Variants in SUPT3H observed in about 807,000 individuals in gnomAD.
SUPT3H encodes SPT3 homolog, SAGA and STAGA complex component, also known as transcription initiation protein SPT3 homolog.
Under a neutral mutation model 44.3 loss-of-function variants are expected in SUPT3H, and 44 were observed. The ratio of observed to expected loss-of-function variants is 0.99; its 90% CI spans 0.78 to 1.28. The LOEUF is 1.28. Among genes scored for constraint, SUPT3H ranks in the 50% most tolerant of loss-of-function variants. The pLI, the probability that SUPT3H is intolerant of heterozygous loss-of-function variation, is 0.00. For synonymous variants in SUPT3H, 124 were observed against 125.6 expected (o/e 0.99, Z 0.09); for missense variants, 380 against 387.1 (o/e 0.98, Z 0.15).
At chr6:45,214,873 C>G (rs1313669487) in intron 2 of SUPT3H, among the ~76,000 whole-genome samples, 2 of 152,126 alleles carry the variant, frequency 1.3e-5, no homozygotes, top group Non-Finnish European at 2.9e-5. Flanking sequence ...CTGCTTGTAA[C>G]CCCCTCACGA....
chr6:45,301,106 A>G (rs566727728), intron 2 of SUPT3H, among the ~76,000 whole-genome samples: 1 of 152,180 alleles, frequency 6.6e-6, no homozygotes, highest in Non-Finnish European at 1.5e-5. Flanking sequence ...CTGGGCAGGC[A>G]GGTCCTGGCA....
intron 3 of SUPT3H, among the ~76,000 whole-genome samples, chr6:45,037,200 C>T (rs1197620762): frequency 2.0e-5 from 3 of 151,042 alleles, no homozygotes; most frequent in Admixed American, 1.3e-4. Flanking sequence ...AAACGATGAC[C>T]AATAAATTAA....
chr6:45,199,421 T>TA (rs574728781), intron 2 of SUPT3H, among the ~76,000 whole-genome samples: 83 of 150,278 alleles, frequency 5.5e-4, no homozygotes, highest in Non-Finnish European at 9.7e-4. Flanking sequence ...AGTAATTTTA[T>TA]AAAAAAAAGT....
In SUPT3H at chr6:44,932,768, G is replaced by A. The variant is rs199814668; in HGVS notation, c.802-5C>T. On this transcript the variant is annotated splice_polypyrimidine_tract_variant and splice_region_variant and intron_variant, in intron 9 of 10. Transcript: ENST00000371459. Reference sequence around the variant, plus strand: ...AACACCACAGGCTGCAGTGCTCTGCGACAGAAAAACACATAAATTGTTACT... The same window carrying A: ...AACACCACAGGCTGCAGTGCTCTGCAACAGAAAAACACATAAATTGTTACT... 90 of 1,583,712 alleles carry A rather than the reference G, an allele frequency of 5.7e-5. No individual in the cohort carries two copies. The highest frequency in any genetic ancestry group is 7.6e-5 in the Non-Finnish European group (88 of 1,165,004).
chr6:45,102,617 A>T (rs1207978184), intron 3 of SUPT3H, among the ~76,000 whole-genome samples: 4 of 152,206 alleles, frequency 2.6e-5, no homozygotes, highest in Admixed American at 2.0e-4. Flanking sequence ...CAGTTACTGA[A>T]TTTAGACTAT....
intron 2 of SUPT3H, among the ~76,000 whole-genome samples, chr6:45,308,941 T>C (rs987554568): frequency 3.4e-5 from 5 of 148,404 alleles, no homozygotes; most frequent in African/African-American, 1.2e-4. Flanking sequence ...ATGATAGCAC[T>C]GTTTATGCCT....
intron 3 of SUPT3H, among the ~76,000 whole-genome samples, chr6:45,034,544 C>G (rs550408352): frequency 6.6e-6 from 1 of 152,256 alleles, no homozygotes; most frequent in South Asian, 2.1e-4. Context: ...TAGTTCTGTT[C>G]AGACTATTTA....
chr6:45,293,132 G>A (rs1780577331), intron 2 of SUPT3H, among the ~76,000 whole-genome samples: 1 of 151,954 alleles, frequency 6.6e-6, no homozygotes, highest in African/African-American at 2.4e-5. Flanking sequence ...ATTATATCAA[G>A]CACTCTTTCA....
At chr6:45,014,115 T>C (rs1470399205) in intron 5 of SUPT3H, among the ~76,000 whole-genome samples, 1 of 152,094 alleles carries the variant, frequency 6.6e-6, no homozygotes, top group African/African-American at 2.4e-5. Context: ...TTAGATGTGT[T>C]CTACCTGAAT....
chr6:44,945,195 A>C (rs1773149325), intron 9 of SUPT3H, among the ~76,000 whole-genome samples: 1 of 152,120 alleles, frequency 6.6e-6, no homozygotes, highest in Non-Finnish European at 1.5e-5. Context: ...AATTTAATAA[A>C]AGTGTTTGTT....
chr6:45,115,193 A>G (rs2153576432), intron 2 of SUPT3H, among the ~76,000 whole-genome samples: 1 of 152,306 alleles, frequency 6.6e-6, no homozygotes, highest in East Asian at 1.9e-4. Context: ...ACATGGAATC[A>G]GAGAGAGTCA....
chr6:45,166,884 A>C (rs1562591606), intron 2 of SUPT3H, among the ~76,000 whole-genome samples: 1 of 152,194 alleles, frequency 6.6e-6, no homozygotes, highest in African/African-American at 2.4e-5. Context: ...GCAAGTGTTG[A>C]CGAAGATATG....
At chr6:45,252,285 C>G (rs952267434) in intron 2 of SUPT3H, among the ~76,000 whole-genome samples, 1 of 152,178 alleles carries the variant, frequency 6.6e-6, no homozygotes, top group Non-Finnish European at 1.5e-5. Context: ...TGACTTAATT[C>G]TCCAGCTGAA....
At chr6:45,361,407 G>A (rs1409695985) in intron 2 of SUPT3H, among the ~76,000 whole-genome samples, 1 of 152,082 alleles carries the variant, frequency 6.6e-6, no homozygotes, top group Admixed American at 6.6e-5. Context: ...CTGTAACTCT[G>A]AAAAAGTACA....
chr6:45,288,581 ATGTATATATATATATGTG>A lies in SUPT3H; in HGVS notation c.101+76602_101+76619del, dbSNP rs1562882625. On this transcript the variant is annotated intron_variant, in intron 2 of 10. Transcript: ENST00000371459. ...TATATATATGTATATATATATATAT[ATGTATATATATATATGTG>A]TATATATATATATGTATATATATAT... Among the ~76,000 whole-genome samples, 176 of 60,712 alleles carry A rather than the reference ATGTATATATATATATGTG, an allele frequency of 2.9e-3. 3 individuals carry two copies. The highest frequency in any genetic ancestry group is 6.5e-3 in the African/African-American group (132 of 20,282). The allele number at this position is 60,712 out of a possible 152,430, so 39.8% of individuals were successfully genotyped here. A position where few individuals can be genotyped will look rare whatever the true frequency, so the allele number is the denominator to read the frequency against.
intron 2 of SUPT3H, among the ~76,000 whole-genome samples, chr6:45,109,434 T>C (rs890139491): frequency 1.3e-5 from 2 of 152,082 alleles, no homozygotes; most frequent in Non-Finnish European, 2.9e-5. Flanking sequence ...AGTAAAAAAA[T>C]TAAAAATACT....
chr6:45,307,837 T>C (rs541856566), intron 2 of SUPT3H, among the ~76,000 whole-genome samples: 45 of 152,112 alleles, frequency 3.0e-4, no homozygotes, highest in Admixed American at 1.8e-3. Context: ...AAGGAGGAAG[T>C]TCAAACCCAT....
At chr6:45,146,161 C>A (rs928273935) in intron 2 of SUPT3H, among the ~76,000 whole-genome samples, 10 of 152,032 alleles carry the variant, frequency 6.6e-5, no homozygotes, top group Non-Finnish European at 1.3e-4. Flanking sequence ...GCATCCCACT[C>A]CTGGGTATCT....
At chr6:45,190,701 TG>T (rs1814985545) in intron 2 of SUPT3H, among the ~76,000 whole-genome samples, 1 of 152,108 alleles carries the variant, frequency 6.6e-6, no homozygotes, top group East Asian at 1.9e-4. Context: ...GATCAAGGAC[TG>T]GTAACCAAAA....
Sources: gnomAD v4.1 joint callset for allele counts (sites outside exome capture counted in the v4.1 genomes callset) on GRCh38, gnomAD v4.1.1 for gene constraint, MANE v1.5 for transcripts, NCBI Gene and HGNC (gene_info 2026-07-23, HGNC 2026-07-21) for gene names.